The following USP35 variants were observed in gnomAD, a reference collection of about 807,000 sequenced individuals.
USP35 encodes the protein ubiquitin specific peptidase 35.
In USP35, 69 loss-of-function variants were observed where a neutral mutation model predicts 83.8. The observed-to-expected ratio is 0.82, with a 90% CI of 0.68 to 1.01. USP35 has a LOEUF of 1.01. USP35 is among the 50% of genes least tolerant of loss of function. USP35 has a pLI of 0.00. For missense variants in USP35, 1,503 were observed against 1,362.5 expected (o/e 1.10, Z -1.62); for synonymous variants, 714 against 589.5 (o/e 1.21, Z -3.06).
At chr11:78,198,257 C>T (rs575565579) in intron 3 of USP35, among the ~76,000 whole-genome samples, 189 bp downstream of exon 3, 3 of 152,192 alleles carry the variant, frequency 2.0e-5, no homozygotes, top group Non-Finnish European at 4.4e-5. Context: ...ATGTGGGGGA[C>T]ACAGAGAGCC....
the USP35 span, among the ~76,000 whole-genome samples, chr11:78,234,140 G>C: frequency 4.6e-5 from 7 of 152,120 alleles, no homozygotes; most frequent in East Asian, 1.9e-4. Context: ...GAGTGCAATG[G>C]AATGATCTTG....
Position 78,213,910 on chromosome 11 carries a change from C to CAGCTCATGGCACCTTA in USP35, c.*98_*113dup. 2.2e-6 allele frequency: 3 copies of CAGCTCATGGCACCTTA among 1,369,700 alleles called. No homozygotes were observed. The East Asian group carries it at 8.3e-5, about 38-fold the overall frequency. 84.8% of individuals were successfully genotyped at this position (1,369,700 alleles called of 1,614,324 possible). ...GGCCCTACCAAGAGGAAGGATGGTACAGCTCATGGCACCTTAGTCCTCAGC... is the reference window on the plus strand; with the variant it reads ...GGCCCTACCAAGAGGAAGGATGGTACAGCTCATGGCACCTTAAGCTCATGGCACCTTAGTCCTCAGC... On this transcript the variant is annotated 3_prime_UTR_variant, in exon 11 of 11. Transcript: ENST00000529308.
chr11:78,212,977 C>T (rs1207647891), intron 10 of USP35, among the ~76,000 whole-genome samples: 4 of 152,180 alleles, frequency 2.6e-5, no homozygotes, highest in African/African-American at 7.2e-5. Flanking sequence ...TCAAGGGTGG[C>T]ACTGGCATAC....
At chr11:78,203,010 G>A (rs2137041034) in intron 6 of USP35, among the ~76,000 whole-genome samples, 1 of 152,266 alleles carries the variant, frequency 6.6e-6, no homozygotes, top group Middle Eastern at 3.4e-3. Context: ...CAGAGAGGAG[G>A]GACCCTGCCC....
the USP35 span, chr11:78,225,069 C>G: frequency 1.4e-5 from 19 of 1,332,648 alleles, no homozygotes; most frequent in South Asian, 1.7e-4. Context: ...TTTACCTAAC[C>G]AGGCCGGCCT....
intron 10 of USP35, among the ~76,000 whole-genome samples, chr11:78,212,059 GT>G (rs1863802883): frequency 6.6e-6 from 1 of 152,098 alleles, no homozygotes; most frequent in Non-Finnish European, 1.5e-5. Context: ...TCTTCTAGGG[GT>G]TTAATACCTT....
chr11:78,213,982 T>TA lies in USP35; in HGVS notation c.*171dup. 1 of 701,858 alleles carries TA rather than the reference T, an allele frequency of 1.4e-6. No homozygotes were observed. Among genetic ancestry groups the TA allele is most frequent in the Non-Finnish European group, 2.1e-6 (1 of 474,382 alleles). The allele number at this position is 701,858 out of a possible 1,614,324, so 43.5% of individuals were successfully genotyped here. A position where few individuals can be genotyped will look rare whatever the true frequency, so the allele number is the denominator to read the frequency against. ...TTCTCTCAGATATGGAAGTAAGACCTAAGTCCCTTTCATTGGGGATCAGTC... is the reference window on the plus strand; with the variant it reads ...TTCTCTCAGATATGGAAGTAAGACCTAAAGTCCCTTTCATTGGGGATCAGTC... On this transcript the variant is annotated 3_prime_UTR_variant, in exon 11 of 11. Transcript: ENST00000529308.
chr11:78,221,851 G>T, the USP35 span: 1 of 1,068,622 alleles, frequency 9.4e-7, no homozygotes, highest in Non-Finnish European at 1.4e-6. Flanking sequence ...CTCCAGCTGG[G>T]CCCTGACCCT....
At chr11:78,226,448 C>T in the USP35 span, 5 of 1,590,870 alleles carry the variant, frequency 3.1e-6, no homozygotes, top group Non-Finnish European at 4.3e-6. Flanking sequence ...TGAGTCTCAG[C>T]TAGGACTTAT....
At chr11:78,227,901 A>AG in the USP35 span, among the ~76,000 whole-genome samples, 1 of 152,172 alleles carries the variant, frequency 6.6e-6, no homozygotes, top group Non-Finnish European at 1.5e-5. Flanking sequence ...AGGCATTTTG[A>AG]GGGGAAAGAT....
Position 78,209,261 on chromosome 11 carries a change from G to A in USP35, c.1593-187G>A, listed in dbSNP as rs913571292. On this transcript the variant is annotated intron_variant, in intron 9 of 10. Transcript: ENST00000529308. ...TCCAGCAAGTCTTTATGTAGGGCGT[G>A]TGGGTGAGTGTAGCAAGCGTGCTGT... Among the ~76,000 whole-genome samples, 4 of 151,018 alleles carry A rather than the reference G, an allele frequency of 2.6e-5. No individual in the cohort carries two copies. The East Asian group carries it at 6.1e-4, about 23-fold the overall frequency.
At chr11:78,236,216 A>G in the USP35 span, among the ~76,000 whole-genome samples, 1 of 152,210 alleles carries the variant, frequency 6.6e-6, no homozygotes, top group African/African-American at 2.4e-5. Context: ...TCGATATATA[A>G]TTAAAATTTT....
chr11:78,228,444 C>T, the USP35 span, among the ~76,000 whole-genome samples: 1 of 152,158 alleles, frequency 6.6e-6, no homozygotes, highest in South Asian at 2.1e-4. Flanking sequence ...AGGCAAATCT[C>T]GTATACATAT....
intron 6 of USP35, among the ~76,000 whole-genome samples, chr11:78,204,635 A>T (rs1863479116): frequency 6.6e-6 from 1 of 151,964 alleles, no homozygotes; most frequent in Non-Finnish European, 1.5e-5. Flanking sequence ...GCCTCTATTC[A>T]TTCATGTTGT....
At chr11:78,217,776 G>C (rs1173253567), downstream of USP35, 1 of 151,978 alleles carries the variant, frequency 6.6e-6, no homozygotes, top group African/African-American at 2.4e-5. Context: ...TGGAATGCTA[G>C]GGAGCAACAG....
At chr11:78,195,430 A>C (rs763374934) in intron 1 of USP35, among the ~76,000 whole-genome samples, 21 of 152,178 alleles carry the variant, frequency 1.4e-4, no homozygotes, top group Admixed American at 2.6e-4. Context: ...GGGAAGGAGC[A>C]GGGAGTTGAG....
chr11:78,202,948 T>C (rs529316757), intron 6 of USP35, among the ~76,000 whole-genome samples: 3 of 151,988 alleles, frequency 2.0e-5, no homozygotes, highest in Non-Finnish European at 2.9e-5. Flanking sequence ...AGCAAATGAG[T>C]GGGTTATTGT....
the USP35 span, among the ~76,000 whole-genome samples, chr11:78,236,266 T>G: frequency 4.6e-5 from 7 of 152,364 alleles, no homozygotes; most frequent in East Asian, 1.3e-3. Flanking sequence ...TAAAACTTAT[T>G]TTTTGCATAA....
At chr11:78,233,040 G>GATTTTTT in the USP35 span, among the ~76,000 whole-genome samples, 1 of 132,006 alleles carries the variant, frequency 7.6e-6, no homozygotes, top group Admixed American at 7.8e-5. Flanking sequence ...GCACTGTTAA[G>GATTTTTT]TTTTTTTTTT....
Sources: allele counts gnomAD v4.1 joint callset (sites outside exome capture counted in the v4.1 genomes callset), GRCh38; gene constraint gnomAD v4.1.1; transcripts MANE v1.5; gene names NCBI Gene and HGNC (gene_info 2026-07-23, HGNC 2026-07-21).